Variants in BAHCC1 observed in about 807,000 individuals in gnomAD.
BAHCC1 encodes BAH and coiled-coil domain-containing protein 1.
BAHCC1 carries 43 observed loss-of-function variants against 88.2 expected under a neutral mutation model. That is an observed-to-expected ratio of 0.49 (90% CI 0.38 to 0.63). The LOEUF (loss-of-function observed/expected upper bound fraction) is 0.63. Ranked by LOEUF, BAHCC1 falls within the 20% of genes least tolerant of loss-of-function variation. The probability of loss-of-function intolerance (pLI) is 0.00; values close to 1 mark genes in which losing one functional copy is unlikely to be tolerated. For synonymous variants in BAHCC1, 1,510 were observed against 745.5 expected (o/e 2.03, Z -16.71); for missense variants, 3,023 against 1,654.8 (o/e 1.83, Z -14.34).
intron 3 of BAHCC1, among the ~76,000 whole-genome samples, chr17:81,427,506 C>T (rs1372897869): frequency 6.6e-6 from 1 of 152,174 alleles, no homozygotes; most frequent in South Asian, 2.1e-4. Flanking sequence ...GTAGGTGCCT[C>T]GCGAATACTG....
rs782286676 is a variant in BAHCC1, at chr17:81,458,321, G to C, written c.5198G>C (p.Arg1733Pro). Residue 1733 changes from arginine (R) to proline (P), a missense_variant, in exon 18 of 28, where the codon CGG (arginine) becomes CCG (proline). Coordinates refer to ENST00000675386, the MANE Select transcript of BAHCC1 (RefSeq NM_001377448.1). ...KAKGKAKGSL[R>P]AEPGATPSRD... is the part of the protein sequence containing the mutation. ...AAGGGCAAGGCCAAGGGCAGCCTGC[G>C]GGCAGAGCCGGGGGCCACCCCCAGC... 1.3e-6 allele frequency: 1 copy of C among 744,238 alleles called. No individual in the cohort carries two copies. The highest frequency in any genetic ancestry group is 1.9e-5 in the Admixed American group (1 of 53,600). The allele number at this position is 744,238 out of a possible 1,614,324, so 46.1% of individuals were successfully genotyped here.
chr17:81,449,592 T>C (rs1598497236), intron 11 of BAHCC1, among the ~76,000 whole-genome samples: 1 of 152,120 alleles, frequency 6.6e-6, no homozygotes, highest in Non-Finnish European at 1.5e-5. Context: ...CCAACTGCAG[T>C]GACCCCAGGA....
chr17:81,464,298 G>A lies in BAHCC1; in HGVS notation c.*481G>A, dbSNP rs1266436755. On this transcript the variant is annotated 3_prime_UTR_variant, in exon 28 of 28. Transcript: ENST00000675386. ...TGACAAGGTGTGTGTGAGCGTGTAT[G>A]TGTGTGCGCGTGTGTGGCGATTTTT... 1 of 192,228 alleles carries A rather than the reference G, an allele frequency of 5.2e-6. No homozygotes were observed. The highest frequency in any genetic ancestry group is 2.3e-5 in the African/African-American group (1 of 42,808). 11.9% of individuals were successfully genotyped at this position (192,228 alleles called of 1,614,324 possible).
chr17:81,463,697 T>C lies in BAHCC1; in HGVS notation c.7707T>C (p.Tyr2569=), dbSNP rs782230432. ...HKCQVVAREQ[Y]EQMARSRKCQ... is the part of the protein sequence containing the mutation. ...GCCAGGTCGTGGCGCGCGAGCAGTA[T>C]GAGCAGATGGCCCGGAGCCGCAAGT... The change falls in exon 28 of 28, where the codon TAT becomes TAC. Residue 2569 remains tyrosine (Y), a synonymous_variant. Coordinates refer to ENST00000675386, the MANE Select transcript of BAHCC1 (RefSeq NM_001377448.1). 3 of 779,602 alleles carry C rather than the reference T, an allele frequency of 3.8e-6. No individual in the cohort carries two copies. In the East Asian group the frequency reaches 7.3e-5, roughly 19 times the overall value. The allele number at this position is 779,602 out of a possible 1,614,324, so 48.3% of individuals were successfully genotyped here.
rs2063737941 is a variant in BAHCC1 at position 81,395,492 on chromosome 17, G to A, written c.-350G>A. 1 of 152,240 alleles carries A rather than the reference G, an allele frequency of 6.6e-6. No homozygotes were observed. The highest frequency in any genetic ancestry group is 1.5e-5 in the Non-Finnish European group (1 of 68,056). 9.4% of individuals were successfully genotyped at this position (152,240 alleles called of 1,614,324 possible). Reference sequence around the variant, plus strand: ...GCAGGTTTGAGAGCCGCTCTGGATGGGCTCGCTAGAGTCGTTGTTGTGGAA... The same window carrying A: ...GCAGGTTTGAGAGCCGCTCTGGATGAGCTCGCTAGAGTCGTTGTTGTGGAA... On this transcript the variant is annotated 5_prime_UTR_variant, in exon 1 of 28. Transcript: ENST00000675386.
chr17:81,435,756 A>C lies in BAHCC1; in HGVS notation c.359-2614A>C, dbSNP rs536384012. Among the ~76,000 whole-genome samples the C allele has an allele frequency of 9.4e-5, 14 of 148,248 alleles. No homozygotes were observed. The South Asian group carries it at 3.0e-3, about 32-fold the overall frequency. ...CCACCACCCCCACTCCTCAGTGGCA[A>C]CCCCTTCCAGGATGCCTGTGTGTCC... On this transcript the variant is annotated intron_variant, in intron 3 of 27. Transcript: ENST00000675386. This position sits in a 1 kb window ranked among gnomAD's most constrained non-coding sequence, Gnocchi z 4.4.
chr17:81,425,350 TGGTGATAGTGGTG>T (rs2064170660), intron 2 of BAHCC1, among the ~76,000 whole-genome samples: 1 of 67,636 alleles, frequency 1.5e-5, no homozygotes, highest in Non-Finnish European at 2.9e-5. Context: ...ATGTGGTTGG[TGGTGATAGTGGTG>T]GGTGATGTGG....
intron 6 of BAHCC1, 167 bp downstream of exon 6, chr17:81,444,084 C>T (rs1048923256): frequency 4.9e-6 from 3 of 609,428 alleles, no homozygotes; most frequent in Admixed American, 5.6e-5. Context: ...GGAGTCTCAC[C>T]CGGGGTTGGG....
At chr17:81,460,800 G>A (rs1555658994) in intron 25 of BAHCC1, 66 bp from the exon 26 acceptor site, 5 of 770,024 alleles carry the variant, frequency 6.5e-6, no homozygotes, top group South Asian at 2.7e-5. Context: ...AGGGTCCGGG[G>A]AGGGGCAGGT....
rs782742161 is a variant in BAHCC1, at chr17:81,442,073, G to C, written c.724G>C (p.Glu242Gln). The change falls in exon 5 of 28, where the codon GAG becomes CAG. Residue 242 changes from glutamate (E) to glutamine (Q), a missense_variant. Physicochemically the swap from Glu to Gln is conservative, Grantham distance 29. Coordinates refer to ENST00000675386, the MANE Select transcript of BAHCC1 (RefSeq NM_001377448.1). ...AAEGKERPAA[E>Q]EDGGKERHKL... The stretch of plus-strand genomic sequence containing the variant: ...TGAGGGCAAGGAGCGGCCAGCGGCA[G>C]AGGAGGACGGTGGCAAGGAGCGGCA... 1.4e-5 allele frequency: 10 copies of C among 711,450 alleles called. No individual in the cohort carries two copies. Among genetic ancestry groups the C allele is most frequent in the Non-Finnish European group, 2.4e-5 (9 of 381,992 alleles). 44.1% of individuals were successfully genotyped at this position (711,450 alleles called of 1,614,324 possible).
At position 81,427,186 on chromosome 17, in the gene BAHCC1, C is replaced by T. The variant is rs926041720; in HGVS notation, c.358+207C>T. Among the ~76,000 whole-genome samples the T allele has an allele frequency of 1.6e-3, 237 of 152,256 alleles. 1 individual carries two copies. The highest frequency in any genetic ancestry group is 5.3e-3 in the African/African-American group (222 of 41,538). On this transcript the variant is annotated intron_variant, in intron 3 of 27. Coordinates refer to ENST00000675386, the MANE Select transcript of BAHCC1 (RefSeq NM_001377448.1). The stretch of plus-strand genomic sequence containing the variant: ...TGGTTGGAAACAAGGGCAGCCTGTT[C>T]GGCAGTGGTCCTGGCCAGATGTGTG...
At chr17:81,425,650 G>A (rs1295537282) in intron 2 of BAHCC1, among the ~76,000 whole-genome samples, 39 of 106,196 alleles carry the variant, frequency 3.7e-4, no homozygotes, top group African/African-American at 5.7e-4. Context: ...TATGTGGTTG[G>A]TGGTGATGTG....
chr17:81,402,885 C>T (rs2063834435), intron 2 of BAHCC1: 1 of 152,218 alleles, frequency 6.6e-6, no homozygotes, highest in Non-Finnish European at 1.5e-5. Context: ...AATGAAAGTG[C>T]TGGGAGCTTT....
chr17:81,400,359 C>G (rs2063799764), intron 2 of BAHCC1, among the ~76,000 whole-genome samples: 1 of 152,090 alleles, frequency 6.6e-6, no homozygotes, highest in Non-Finnish European at 1.5e-5. Flanking sequence ...CGCGGCCTCG[C>G]GGATTAGAGT....
In BAHCC1 at chr17:81,447,271, C is replaced by A. The variant is rs782574924; in HGVS notation, c.3399C>A (p.Thr1133=). 1 of 713,750 alleles carries A rather than the reference C, an allele frequency of 1.4e-6. No individual in the cohort carries two copies. Among genetic ancestry groups the A allele is most frequent in the Non-Finnish European group, 2.6e-6 (1 of 388,820 alleles). The allele number at this position is 713,750 out of a possible 1,614,324, so 44.2% of individuals were successfully genotyped here. ...AREATQDLAA[T]PYPTERGPQG... is the part of the protein sequence containing the mutation. ...AGGCCACCCAGGACCTTGCCGCCAC[C>A]CCCTACCCTACCGAGCGGGGACCCC... is the stretch of plus-strand genomic sequence containing the variant. Residue 1133 remains threonine (T), a synonymous_variant, in exon 11 of 28, where the codon ACC becomes ACA. Transcript: ENST00000675386.
chr17:81,414,145 C>T (rs1454247061), intron 2 of BAHCC1, among the ~76,000 whole-genome samples: 1 of 152,248 alleles, frequency 6.6e-6, no homozygotes, highest in East Asian at 1.9e-4. Context: ...AGCCACCTGC[C>T]CAGGACCAGC....
At chr17:81,418,063 G>A (rs2064057951) in intron 2 of BAHCC1, among the ~76,000 whole-genome samples, 1 of 152,242 alleles carries the variant, frequency 6.6e-6, no homozygotes, top group Non-Finnish European at 1.5e-5. Flanking sequence ...TGGCCCCAGG[G>A]GGCCAAGGCA....
intron 18 of BAHCC1, 77 bp downstream of exon 18, chr17:81,458,543 C>CTCCCCCGCAT (rs1428247490): frequency 2.1e-5 from 14 of 679,198 alleles, no homozygotes; most frequent in South Asian, 1.2e-4. Flanking sequence ...CTCCCCCGCA[C>CTCCCCCGCAT]GCTGGCCCCT....
chr17:81,420,890 C>T (rs2064108538), intron 2 of BAHCC1, among the ~76,000 whole-genome samples: 1 of 152,244 alleles, frequency 6.6e-6, no homozygotes, highest in Admixed American at 6.5e-5. Flanking sequence ...CTGTGTGGGG[C>T]CAGGGTGCCC....
Sources: allele counts gnomAD v4.1 joint callset (sites outside exome capture counted in the v4.1 genomes callset), GRCh38; gene constraint gnomAD v4.1.1; non-coding constraint Gnocchi (gnomAD v3.1); transcripts MANE v1.5; gene names NCBI Gene and HGNC (gene_info 2026-07-23, HGNC 2026-07-21).